Variants in MKLN1 observed in about 807,000 individuals in gnomAD.
The protein encoded by MKLN1 is muskelin.
MKLN1 carries 18 observed loss-of-function variants against 99.0 expected under a neutral mutation model. The ratio of observed to expected loss-of-function variants is 0.18; its 90% CI spans 0.13 to 0.27. The LOEUF is 0.27. Ranked by LOEUF, MKLN1 falls within the 10% of genes least tolerant of loss-of-function variation. The probability of loss-of-function intolerance (pLI) is 1.00; values close to 1 mark genes in which losing one functional copy is unlikely to be tolerated. For missense variants in MKLN1, 621 were observed against 875.9 expected, an observed-to-expected ratio of 0.71 and a Z score of 3.67; for synonymous variants, 288 against 293.2, an observed-to-expected ratio of 0.98 and a Z score of 0.18.
chr7:131,123,096 T>A (rs1049127528), intron 1 of MKLN1, among the ~76,000 whole-genome samples: 1 of 144,798 alleles, frequency 6.9e-6, no homozygotes, highest in Non-Finnish European at 1.5e-5. Flanking sequence ...AAGAAGGACA[T>A]GTTTGACTCT....
chr7:131,393,324 A>G (rs903027808), intron 4 of MKLN1, among the ~76,000 whole-genome samples: 8 of 152,240 alleles, frequency 5.3e-5, no homozygotes, highest in Non-Finnish European at 8.8e-5. Flanking sequence ...TAGTGTTCTA[A>G]TATGCATTAT....
Position 131,443,665 on chromosome 7 carries a change from TC to T in MKLN1, c.1360del (p.Gln454SerfsTer4). 6.2e-7 allele frequency: 1 copy of T among 1,614,020 alleles called. No individual in the cohort carries two copies. The highest frequency in any genetic ancestry group is 1.1e-5 in the South Asian group (1 of 91,090). On this transcript the variant is annotated frameshift_variant, in exon 11 of 18. Transcript: ENST00000352689. LOFTEE classifies it high-confidence loss of function. ...EDSCNAGPEDIQSRIGHCMLF... is the reference protein window; with the variant it reads ...EDSCNAGPEDXQSRIGHCMLF... ...TCCTGTAATGCTGGGCCTGAGGACATCCAGTCTCGAATAGGACACTGCATGT... is the reference window on the plus strand; with the variant it reads ...TCCTGTAATGCTGGGCCTGAGGACATCAGTCTCGAATAGGACACTGCATGT...
At chr7:131,146,678 T>C (rs907008372) in intron 2 of MKLN1, among the ~76,000 whole-genome samples, 6 of 152,210 alleles carry the variant, frequency 3.9e-5, no homozygotes, top group East Asian at 1.9e-4. Flanking sequence ...CTCAATATAT[T>C]GTGCCTGAAG....
chr7:131,447,489 C>G (rs1179089735), intron 12 of MKLN1, among the ~76,000 whole-genome samples: 1 of 152,060 alleles, frequency 6.6e-6, no homozygotes, highest in Non-Finnish European at 1.5e-5. Context: ...TGCTTGAGCC[C>G]AGGAGTTTGA....
chr7:131,229,548 GT>G (rs1423421545), intron 3 of MKLN1, among the ~76,000 whole-genome samples: 23 of 73,756 alleles, frequency 3.1e-4, no homozygotes, highest in African/African-American at 9.6e-4. Flanking sequence ...GTGTGTGTGT[GT>G]TGTTGTTGTT....
intron 11 of MKLN1, 39 bp downstream of exon 11, chr7:131,443,741 C>A: frequency 1.5e-6 from 2 of 1,371,884 alleles, no homozygotes; most frequent in African/African-American, 1.4e-5. Context: ...GTTATTTTGT[C>A]ATGTATATCT....
intron 3 of MKLN1, among the ~76,000 whole-genome samples, chr7:131,220,788 A>G (rs1797049118): frequency 6.6e-6 from 1 of 152,312 alleles, no homozygotes; most frequent in Admixed American, 6.5e-5. Flanking sequence ...GACGTCAGAT[A>G]TCCCGTCTGG....
chr7:131,283,307 C>G (rs917725810), intron 3 of MKLN1, among the ~76,000 whole-genome samples: 1 of 90,998 alleles, frequency 1.1e-5, no homozygotes, highest in Admixed American at 1.0e-4. Context: ...AGGCCCTTCC[C>G]TCCCTCCCTC....
intron 2 of MKLN1, among the ~76,000 whole-genome samples, chr7:131,152,303 C>T (rs943741086): frequency 6.6e-6 from 1 of 152,124 alleles, no homozygotes; most frequent in African/African-American, 2.4e-5. Flanking sequence ...GCCTGGGTGA[C>T]AGACTGAGAC....
intron 3 of MKLN1, among the ~76,000 whole-genome samples, chr7:131,299,687 A>C (rs1002031256): frequency 2.0e-5 from 3 of 152,248 alleles, no homozygotes; most frequent in African/African-American, 7.2e-5. Flanking sequence ...AACAGAACTA[A>C]CATCAGAATC....
intron 3 of MKLN1, among the ~76,000 whole-genome samples, chr7:131,205,786 C>G (rs1039615694): frequency 1.3e-5 from 2 of 152,118 alleles, no homozygotes; most frequent in Admixed American, 6.6e-5. Context: ...TTTTCCTTCT[C>G]ATGCACTTTC....
chr7:131,147,358 G>A (rs1029168833), intron 2 of MKLN1, among the ~76,000 whole-genome samples: 11 of 151,770 alleles, frequency 7.2e-5, no homozygotes, highest in East Asian at 5.8e-4. Context: ...GCCCCCAGCC[G>A]TTGATGATGT....
chr7:131,408,375 C>T (rs1794771362), intron 6 of MKLN1, among the ~76,000 whole-genome samples: 1 of 152,038 alleles, frequency 6.6e-6, no homozygotes, highest in East Asian at 1.9e-4. Context: ...GGATTTTATG[C>T]TCTATAAGTT....
At chr7:131,122,239 T>C (rs1795384049) in intron 1 of MKLN1, among the ~76,000 whole-genome samples, 1 of 152,204 alleles carries the variant, frequency 6.6e-6, no homozygotes, top group African/African-American at 2.4e-5. Context: ...GAATTTATGC[T>C]TGGGTCTCAA....
At chr7:131,276,920 T>A (rs1432601689) in intron 3 of MKLN1, among the ~76,000 whole-genome samples, 2 of 152,204 alleles carry the variant, frequency 1.3e-5, no homozygotes, top group African/African-American at 2.4e-5. Flanking sequence ...AGTCAGTCCC[T>A]GGCTGCATGA....
Position 131,380,793 on chromosome 7 carries a change from G to A in MKLN1, c.168+5300G>A, listed in dbSNP as rs138367791. On this transcript the variant is annotated intron_variant, in intron 2 of 17. Transcript: ENST00000352689. ...TTCTTCCCATAATCATACGGTAATT[G>A]CAAGGATTAGGATACATGTAGTAGC... 3.2e-3 allele frequency among the ~76,000 whole-genome samples: 492 copies of A among 152,264 alleles called. 5 individuals carry two copies. The highest frequency in any genetic ancestry group is 9.3e-3 in the Admixed American group (143 of 15,296).
intron 2 of MKLN1, among the ~76,000 whole-genome samples, chr7:131,176,676 C>T (rs963873199): frequency 8.5e-5 from 13 of 152,192 alleles, no homozygotes; most frequent in African/African-American, 1.9e-4. Context: ...AACAGCGAGT[C>T]GTTGTCTGAA....
At chr7:131,378,882 CTTTTTTT>C (rs912728269) in intron 2 of MKLN1, among the ~76,000 whole-genome samples, 1 of 128,788 alleles carries the variant, frequency 7.8e-6, no homozygotes, top group South Asian at 2.5e-4. Flanking sequence ...AAAGCTGGGA[CTTTTTTT>C]TTTTTTTTTT....
intron 2 of MKLN1, among the ~76,000 whole-genome samples, chr7:131,182,917 C>G (rs2116363086): frequency 6.6e-6 from 1 of 152,306 alleles, no homozygotes; most frequent in Middle Eastern, 3.4e-3. Context: ...TTGACAAATT[C>G]TATGTGATCA....
Sources: allele counts gnomAD v4.1 joint callset (sites outside exome capture counted in the v4.1 genomes callset), GRCh38; gene constraint gnomAD v4.1.1; transcripts MANE v1.5; gene names NCBI Gene and HGNC (gene_info 2026-07-23, HGNC 2026-07-21).